The following WDR1 variants were observed in gnomAD, a reference collection of about 807,000 sequenced individuals.
WDR1 encodes WD repeat domain 1.
In WDR1, 21 loss-of-function variants were observed where a neutral mutation model predicts 71.9. That is an observed-to-expected ratio of 0.29 (90% confidence interval 0.21 to 0.42). WDR1 has a LOEUF of 0.42. Among genes scored for constraint, WDR1 ranks in the 10% least tolerant of loss-of-function variants. The pLI, the probability that WDR1 is intolerant of heterozygous loss-of-function variation, is 1.00. For missense variants in WDR1, 696 were observed against 824.5 expected (o/e 0.84, Z 1.91); for synonymous variants, 424 against 347.4 (o/e 1.22, Z -2.45).
At chr4:10,080,021 A>G (rs944085994) in intron 11 of WDR1, among the ~76,000 whole-genome samples, 4 of 152,160 alleles carry the variant, frequency 2.6e-5, no homozygotes, top group African/African-American at 9.7e-5. Flanking sequence ...ATTCTGACCC[A>G]GAGCAGGGGT....
intron 2 of WDR1, among the ~76,000 whole-genome samples, chr4:10,107,267 G>A (rs1052982070): frequency 6.6e-6 from 1 of 152,170 alleles, no homozygotes; most frequent in African/African-American, 2.4e-5. Context: ...CTGCCGTTCA[G>A]TCCTCACCAC....
chr4:10,083,506 T>C (rs1412588744), intron 9 of WDR1: 10 of 495,676 alleles, frequency 2.0e-5, no homozygotes, highest in Middle Eastern at 3.0e-4. Flanking sequence ...CCCACATTTC[T>C]TTATGTTTTG....
At chr4:10,109,842 G>C (rs1329849893) in intron 2 of WDR1, among the ~76,000 whole-genome samples, 1 of 152,226 alleles carries the variant, frequency 6.6e-6, no homozygotes, top group African/African-American at 2.4e-5. Context: ...AGAGAGATGA[G>C]GGTATCCACC....
At chr4:10,098,029 G>C in intron 4 of WDR1, 138 bp from the exon 5 acceptor site, 2 of 883,886 alleles carry the variant, frequency 2.3e-6, no homozygotes, top group Non-Finnish European at 3.3e-6. Context: ...GAACGCCACA[G>C]GGACAAATGA....
intron 2 of WDR1, among the ~76,000 whole-genome samples, chr4:10,115,040 G>A (rs1040109152): frequency 1.3e-5 from 2 of 152,208 alleles, no homozygotes; most frequent in Non-Finnish European, 2.9e-5. Flanking sequence ...AAGTGTGTCC[G>A]ATCAACAGTC....
intron 7 of WDR1, 57 bp from the exon 8 acceptor site, chr4:10,087,997 C>A: frequency 6.8e-7 from 1 of 1,469,038 alleles, no homozygotes; most frequent in Non-Finnish European, 9.2e-7. Flanking sequence ...GGAGAGAGAC[C>A]CCAAAAAGCA....
At chr4:10,105,808 A>T (rs1205882835) in intron 2 of WDR1, among the ~76,000 whole-genome samples, 1 of 152,216 alleles carries the variant, frequency 6.6e-6, no homozygotes, top group African/African-American at 2.4e-5. Flanking sequence ...GTGTCCACCA[A>T]AAGACACAGG....
intron 3 of WDR1, 26 bp from the exon 4 acceptor site, chr4:10,099,165 G>A (rs762719426): frequency 1.1e-5 from 14 of 1,309,108 alleles, no homozygotes; most frequent in South Asian, 7.4e-5. Context: ...GGCGGGGGAG[G>A]GGGGGAGGCG....
intron 2 of WDR1, among the ~76,000 whole-genome samples, chr4:10,112,688 A>G (rs1713458600): frequency 6.6e-6 from 1 of 152,162 alleles, no homozygotes; most frequent in Admixed American, 6.5e-5. Context: ...AGGTCCGGCA[A>G]TCTACACTGA....
At chr4:10,104,806 C>A (rs1712922655) in intron 2 of WDR1, among the ~76,000 whole-genome samples, 1 of 152,214 alleles carries the variant, frequency 6.6e-6, no homozygotes, top group Admixed American at 6.5e-5. Context: ...TACCTACTGT[C>A]AGCTTTTTAC....
chr4:10,116,532 C>T, intron 1 of WDR1, 119 bp downstream of exon 1: 2 of 814,446 alleles, frequency 2.5e-6, no homozygotes, highest in East Asian at 9.0e-5. Context: ...CTCCGGCCGG[C>T]GCCCGCACCC....
At chr4:10,111,209 A>C (rs1713335171) in intron 2 of WDR1, among the ~76,000 whole-genome samples, 1 of 152,294 alleles carries the variant, frequency 6.6e-6, no homozygotes, top group African/African-American at 2.4e-5. Flanking sequence ...GGGCTGTGTG[A>C]GCCACCTGCC....
At chr4:10,108,102 T>G (rs965179272) in intron 2 of WDR1, 5 of 152,206 alleles carry the variant, frequency 3.3e-5, no homozygotes, top group Non-Finnish European at 5.9e-5. Flanking sequence ...TGAGACTCGC[T>G]ATAATACACA....
intron 8 of WDR1, among the ~76,000 whole-genome samples, chr4:10,084,941 G>A (rs1765154897): frequency 6.6e-6 from 1 of 152,230 alleles, no homozygotes; most frequent in Admixed American, 6.5e-5. Context: ...GGCCACATTC[G>A]CTTCAGGCCC....
intron 1 of WDR1, 139 bp from the exon 2 acceptor site, chr4:10,116,373 G>T (rs1472326573): frequency 3.1e-6 from 4 of 1,282,044 alleles, no homozygotes; most frequent in Admixed American, 2.3e-5. Flanking sequence ...TTCCACGAGC[G>T]CCAGGAACCG....
At position 10,103,980 on chromosome 4, in the gene WDR1, C is replaced by T. The variant is rs748789839; in HGVS notation, c.145G>A (p.Ala49Thr). 14 of 1,597,902 alleles carry T rather than the reference C, an allele frequency of 8.8e-6. No homozygotes were observed. The highest frequency in any genetic ancestry group is 1.2e-5 in the Non-Finnish European group (14 of 1,172,404). The change falls in exon 3 of 15, where the codon GCC (alanine) becomes ACC (threonine). Residue 49 changes from alanine to threonine, a missense_variant. Ala to Thr is a moderately conservative substitution (Grantham distance 58, BLOSUM62 0). Coordinates refer to ENST00000499869, the MANE Select transcript of WDR1 (RefSeq NM_017491.5). Reference protein sequence around the residue: ...CVILRNIDNPALADIYTEHAH... With the variant: ...CVILRNIDNPTLADIYTEHAH... ...TGCTCTGTGTAGATGTCAGCAAGGG[C>T]TGGGTTCTGCAGGAGGAGACCCCGG...
At chr4:10,083,226 T>C (rs762716108) in intron 9 of WDR1, 48 bp from the exon 10 acceptor site, 1 of 1,587,524 alleles carries the variant, frequency 6.3e-7, no homozygotes, top group Non-Finnish European at 8.6e-7. Flanking sequence ...TGCTGGGTGT[T>C]CTCAGGTGTG....
At chr4:10,100,235 G>A (rs1712606303) in intron 3 of WDR1, among the ~76,000 whole-genome samples, 1 of 152,220 alleles carries the variant, frequency 6.6e-6, no homozygotes, top group African/African-American at 2.4e-5. Flanking sequence ...CTAAGAGCCA[G>A]GCCTTGGGAG....
chr4:10,116,738 CGCCGAG>C lies in WDR1; in HGVS notation c.-78_-73del. On this transcript the variant is annotated 5_prime_UTR_variant, in exon 1 of 15. Transcript: ENST00000499869. ...CCGGCCCGCGCTGCGAATTACACCT[CGCCGAG>C]GCCGAGCCCGGGGACTGGAGCCGGA... 3 of 1,276,398 alleles carry C rather than the reference CGCCGAG, an allele frequency of 2.4e-6. No individual in the cohort carries two copies. The highest frequency in any genetic ancestry group is 3.0e-6 in the Non-Finnish European group (3 of 1,009,164). The allele number at this position is 1,276,398 out of a possible 1,614,324, so 79.1% of individuals were successfully genotyped here.
Sources: allele counts gnomAD v4.1 joint callset (sites outside exome capture counted in the v4.1 genomes callset), GRCh38; gene constraint gnomAD v4.1.1; transcripts MANE v1.5; gene names NCBI Gene and HGNC (gene_info 2026-07-23, HGNC 2026-07-21).